The following FAF1 variants were observed in gnomAD, a reference collection of about 807,000 sequenced individuals.
FAF1 encodes FAS-associated factor 1.
A neutral mutation model predicts 92.5 loss-of-function variants in FAF1; 25 were observed. The observed-to-expected ratio is 0.27, with a 90% confidence interval of 0.20 to 0.38. FAF1 has a LOEUF of 0.38. Among genes scored for constraint, FAF1 ranks in the 10% least tolerant of loss-of-function variants. The pLI is 1.00. For missense variants in FAF1, 636 were observed against 793.3 expected (o/e 0.80, Z 2.38); for synonymous variants, 234 against 273.2 (o/e 0.86, Z 1.42).
intron 13 of FAF1, among the ~76,000 whole-genome samples, chr1:50,542,537 A>C (rs767869668): frequency 1.3e-5 from 2 of 152,224 alleles, no homozygotes; most frequent in African/African-American, 4.8e-5. Context: ...CTTCCTTTTG[A>C]AGAGATAAAA....
In FAF1 at chr1:50,438,192, T is replaced by C. The variant is rs1468176766; in HGVS notation, c.*3248A>G. ...AAAAATGGAATCATCATCTCTGCCC[T>C]GCTTCCCTCATAGCGGGAGACTATT... On this transcript the variant is annotated 3_prime_UTR_variant, in exon 19 of 19. Transcript: ENST00000396153. 2.0e-5 allele frequency: 3 copies of C among 152,216 alleles called. No individual in the cohort carries two copies. Among genetic ancestry groups the C allele is most frequent in the Non-Finnish European group, 4.4e-5 (3 of 68,066 alleles). The allele number at this position is 152,216 out of a possible 1,614,324, so 9.4% of individuals were successfully genotyped here. A position where few individuals can be genotyped will look rare whatever the true frequency, so the allele number is the denominator to read the frequency against.
At chr1:50,531,120 C>T (rs1021313282) in intron 15 of FAF1, among the ~76,000 whole-genome samples, 2 of 152,158 alleles carry the variant, frequency 1.3e-5, no homozygotes, top group Admixed American at 6.5e-5. Context: ...TAGAATGCCC[C>T]TCTGGCATAT....
Position 50,780,013 on chromosome 1 carries a change from C to A in FAF1, c.367+7987G>T, listed in dbSNP as rs933479762. 2.6e-5 allele frequency among the ~76,000 whole-genome samples: 4 copies of A among 151,964 alleles called. No homozygotes were observed. In the South Asian group the frequency reaches 8.3e-4, roughly 32 times the overall value. ...ACAGACACACACACACACACACACA[C>A]ACACACACAGAGGAAGTAAAAGAGG... On this transcript the variant is annotated intron_variant, in intron 4 of 18. Transcript: ENST00000396153.
chr1:50,766,045 T>A (rs1260212821), intron 4 of FAF1, among the ~76,000 whole-genome samples: 1 of 151,914 alleles, frequency 6.6e-6, no homozygotes, highest in Non-Finnish European at 1.5e-5. Context: ...TGAGCCGAGA[T>A]CGCGCCATTG....
intron 2 of FAF1, chr1:50,846,709 C>G: frequency 1.6e-6 from 1 of 612,292 alleles, no homozygotes; most frequent in Non-Finnish European, 3.1e-6. Context: ...TGATGGAGCA[C>G]TTCTCCAAAC....
At chr1:50,844,740 C>T (rs186918132) in intron 2 of FAF1, among the ~76,000 whole-genome samples, 5 of 151,552 alleles carry the variant, frequency 3.3e-5, no homozygotes, top group Middle Eastern at 3.4e-3. Context: ...TTCCAAGTCA[C>T]GTTATGGGTA....
chr1:50,738,743 G>A (rs940283987), intron 6 of FAF1, 120 bp downstream of exon 6: 2 of 652,918 alleles, frequency 3.1e-6, no homozygotes, highest in South Asian at 4.2e-5. Context: ...CATAGTAGTT[G>A]GTAAGGTCAA....
Position 50,615,186 on chromosome 1 carries a change from T to C in FAF1, c.745-18970A>G, listed in dbSNP as rs975418928. Among the ~76,000 whole-genome samples, 4 of 152,202 alleles carry C rather than the reference T, an allele frequency of 2.6e-5. No homozygotes were observed. The East Asian group carries it at 7.7e-4, about 29-fold the overall frequency. ...CTTAGCTTAGGTAATGGCCTCCAGC[T>C]CCATCCAGGTTGCTGCAAAAGATAT... On this transcript the variant is annotated intron_variant, in intron 8 of 18. Transcript: ENST00000396153.
intron 1 of FAF1, among the ~76,000 whole-genome samples, chr1:50,932,416 G>A (rs1397163397): frequency 6.6e-6 from 1 of 152,156 alleles, no homozygotes; most frequent in Non-Finnish European, 1.5e-5. Flanking sequence ...GGGGTTACAG[G>A]GCCCATTCAA....
At chr1:50,562,329 A>G (rs1649957458) in intron 13 of FAF1, among the ~76,000 whole-genome samples, 3 of 152,186 alleles carry the variant, frequency 2.0e-5, no homozygotes, top group Admixed American at 6.5e-5. Context: ...TGGCTGGTTG[A>G]CTTTAATTCT....
chr1:50,615,386 T>C (rs76014525), intron 8 of FAF1, among the ~76,000 whole-genome samples: 4,626 of 152,246 alleles, frequency 0.03, 249 homozygotes, highest in African/African-American at 0.11. Flanking sequence ...GGGCTGTATA[T>C]ACCCGTAATG....
intron 15 of FAF1, among the ~76,000 whole-genome samples, chr1:50,498,732 C>T (rs1482295481): frequency 2.0e-5 from 3 of 152,048 alleles, no homozygotes; most frequent in Admixed American, 1.3e-4. Flanking sequence ...TGCCTATAAT[C>T]CCAGCTACTC....
intron 6 of FAF1, among the ~76,000 whole-genome samples, chr1:50,717,357 A>T (rs981105845): frequency 3.9e-5 from 6 of 152,192 alleles, no homozygotes; most frequent in African/African-American, 1.4e-4. Flanking sequence ...AGAAAGACAG[A>T]TAAGAGCTTT....
chr1:50,827,307 G>T (rs1486316723), intron 2 of FAF1, among the ~76,000 whole-genome samples: 1 of 152,192 alleles, frequency 6.6e-6, no homozygotes, highest in Non-Finnish European at 1.5e-5. Context: ...TGCCTTGGGA[G>T]GCTGTTAATC....
chr1:50,530,129 G>A (rs1205351630), intron 15 of FAF1, among the ~76,000 whole-genome samples: 8 of 151,740 alleles, frequency 5.3e-5, no homozygotes, highest in East Asian at 1.9e-4. Flanking sequence ...TAAAAATATC[G>A]TATTTTTGGA....
At chr1:50,527,655 T>C (rs1647884775) in intron 15 of FAF1, among the ~76,000 whole-genome samples, 1 of 152,230 alleles carries the variant, frequency 6.6e-6, no homozygotes, top group African/African-American at 2.4e-5. Context: ...TGATTCTTAC[T>C]TTGCACACAT....
At chr1:50,562,870 T>G (rs1396522783) in intron 13 of FAF1, among the ~76,000 whole-genome samples, 2 of 152,364 alleles carry the variant, frequency 1.3e-5, no homozygotes, top group East Asian at 1.9e-4. Context: ...ATCTGTGGGT[T>G]CTGCATCTGT....
At chr1:50,591,342 G>T (rs913119372) in intron 9 of FAF1, among the ~76,000 whole-genome samples, 1 of 152,088 alleles carries the variant, frequency 6.6e-6, no homozygotes, top group Non-Finnish European at 1.5e-5. Flanking sequence ...TCACTAAACT[G>T]TGTATTTGTG....
chr1:50,840,554 A>G (rs1451697641), intron 2 of FAF1, among the ~76,000 whole-genome samples: 2 of 152,030 alleles, frequency 1.3e-5, no homozygotes, highest in Admixed American at 6.6e-5. Context: ...AAAGGTATTA[A>G]ATACACAGAC....
Sources: gnomAD v4.1 joint callset for allele counts (sites outside exome capture counted in the v4.1 genomes callset) on GRCh38, gnomAD v4.1.1 for gene constraint, MANE v1.5 for transcripts, NCBI Gene and HGNC (gene_info 2026-07-23, HGNC 2026-07-21) for gene names.